Variants in PCLO observed in about 807,000 individuals in gnomAD.
PCLO encodes protein piccolo.
A neutral mutation model predicts 427.5 loss-of-function variants in PCLO; 82 were observed. The observed-to-expected ratio is 0.19, with a 90% CI of 0.16 to 0.23. The LOEUF is 0.23. Among genes scored for constraint, PCLO ranks in the 10% least tolerant of loss-of-function variants. The probability of loss-of-function intolerance (pLI) is 1.00; values close to 1 mark genes in which losing one functional copy is unlikely to be tolerated. For missense variants in PCLO, 6,239 were observed against 6,115.9 expected, an observed-to-expected ratio of 1.02 and a Z score of -0.67; for synonymous variants, 2,357 against 2,155.4, an observed-to-expected ratio of 1.09 and a Z score of -2.59.
intron 10 of PCLO, chr7:82,867,973 T>C (rs1793138176): frequency 5.6e-6 from 2 of 359,310 alleles, no homozygotes; most frequent in African/African-American, 2.1e-5. Context: ...TGTATTTTTC[T>C]TCACAGAAGA....
At chr7:82,845,240 G>A in intron 13 of PCLO, 31 bp downstream of exon 13, 1 of 1,458,230 alleles carries the variant, frequency 6.9e-7, no homozygotes, top group Non-Finnish European at 9.6e-7. Flanking sequence ...TAGAAAACAA[G>A]TGGGTCAGAG....
chr7:82,949,277 G>GCGCACACACACACGTGTGCACACACACA (rs1795274063), intron 6 of PCLO, among the ~76,000 whole-genome samples, 199 bp downstream of exon 6: 1 of 148,182 alleles, frequency 6.7e-6, no homozygotes, highest in Non-Finnish European at 1.5e-5. Context: ...ACACACACAA[G>GCGCACACACACACGTGTGCACACACACA]CGCACACACA....
intron 15 of PCLO, among the ~76,000 whole-genome samples, chr7:82,837,219 T>C (rs934314755): frequency 2.0e-5 from 3 of 151,756 alleles, no homozygotes; most frequent in African/African-American, 7.3e-5. Flanking sequence ...ATTAAGGGAG[T>C]GTATGAGGAA....
At chr7:83,033,400 C>G (rs1226809115) in intron 3 of PCLO, among the ~76,000 whole-genome samples, 1 of 152,096 alleles carries the variant, frequency 6.6e-6, no homozygotes, top group Non-Finnish European at 1.5e-5. Flanking sequence ...AGCTGAACAC[C>G]TGGTATCTGT....
intron 14 of PCLO, among the ~76,000 whole-genome samples, chr7:82,840,916 AAC>A (rs1792350420): frequency 6.6e-6 from 1 of 151,778 alleles, no homozygotes; most frequent in African/African-American, 2.4e-5. Flanking sequence ...TAAATATCAA[AAC>A]ACAGAGAGAA....
intron 22 of PCLO, among the ~76,000 whole-genome samples, chr7:82,774,311 A>G (rs1485716740): frequency 6.6e-6 from 1 of 152,170 alleles, no homozygotes; most frequent in Non-Finnish European, 1.5e-5. Flanking sequence ...TCTATTAGAC[A>G]GTCCCATTTG....
chr7:83,082,915 G>A (rs754017648), intron 3 of PCLO, among the ~76,000 whole-genome samples: 12 of 151,620 alleles, frequency 7.9e-5, no homozygotes, highest in African/African-American at 2.4e-4. Context: ...AAACTCTTAC[G>A]TAAAATAGTC....
chr7:82,892,014 T>C (rs1275183398), intron 9 of PCLO, among the ~76,000 whole-genome samples: 3 of 152,112 alleles, frequency 2.0e-5, no homozygotes, highest in African/African-American at 7.2e-5. Flanking sequence ...AGGTAATTTA[T>C]AGATTCAGTG....
At chr7:83,079,653 A>C (rs569113413) in intron 3 of PCLO, among the ~76,000 whole-genome samples, 2 of 152,208 alleles carry the variant, frequency 1.3e-5, no homozygotes, top group East Asian at 3.9e-4. Flanking sequence ...CAGGAATATA[A>C]TATCTTGTTC....
At position 82,952,537 on chromosome 7, in the gene PCLO, A is replaced by C; in HGVS notation, c.8416T>G (p.Tyr2806Asp). ...TFVTCTASASYTTGTESLVGA... is the reference protein window; with the variant it reads ...TFVTCTASASDTTGTESLVGA... Reference sequence around the variant, plus strand: ...ACTAGGCTTTCTGTGCCTGTAGTGTAACTTGCACTAGCTGTGCATGTGACA... The same window carrying C: ...ACTAGGCTTTCTGTGCCTGTAGTGTCACTTGCACTAGCTGTGCATGTGACA... The change falls in exon 5 of 25, where the codon TAC becomes GAC. Residue 2806 changes from tyrosine (Y) to aspartate (D), a missense_variant. By Grantham distance (160) the Tyr-to-Asp change is radical. This residue lies in a region of PCLO where 4,677 missense variants were observed against 4,468.4 expected (regional missense o/e 1.05). Transcript: ENST00000333891. 6.2e-7 allele frequency: 1 copy of C among 1,613,934 alleles called. No homozygotes were observed. The highest frequency in any genetic ancestry group is 8.5e-7 in the Non-Finnish European group (1 of 1,179,850).
chr7:82,840,519 A>G (rs1266874073), intron 14 of PCLO, among the ~76,000 whole-genome samples: 1 of 152,052 alleles, frequency 6.6e-6, no homozygotes. Context: ...TAACATTCCT[A>G]GGATTGTGTT....
intron 6 of PCLO, 43 bp downstream of exon 6, chr7:82,949,430 TTAA>T: frequency 7.1e-7 from 1 of 1,410,264 alleles, no homozygotes; most frequent in Non-Finnish European, 9.7e-7. Context: ...AAACACATGA[TTAA>T]TAACTCATCC....
At chr7:83,059,240 G>A (rs1583969796) in intron 3 of PCLO, among the ~76,000 whole-genome samples, 1 of 147,540 alleles carries the variant, frequency 6.8e-6, no homozygotes, top group East Asian at 2.0e-4. Flanking sequence ...TGCACCGAGG[G>A]TCAATTCTTT....
intron 13 of PCLO, among the ~76,000 whole-genome samples, chr7:82,843,255 GA>G (rs2115792318): frequency 6.6e-6 from 1 of 152,264 alleles, no homozygotes; most frequent in East Asian, 1.9e-4. Context: ...TTTGTAACAA[GA>G]TGGATAAACC....
intron 3 of PCLO, among the ~76,000 whole-genome samples, chr7:82,978,648 G>A (rs1344070069): frequency 2.0e-5 from 3 of 152,084 alleles, no homozygotes; most frequent in Admixed American, 6.6e-5. Context: ...ACATATTCAT[G>A]TCTACATCCT....
At chr7:82,778,127 A>G (rs1429442803) in intron 22 of PCLO, among the ~76,000 whole-genome samples, 1 of 152,226 alleles carries the variant, frequency 6.6e-6, no homozygotes, top group Non-Finnish European at 1.5e-5. Context: ...ACACATTTCA[A>G]AAAAAGACTT....
At chr7:82,877,815 G>A (rs866587465) in intron 10 of PCLO, among the ~76,000 whole-genome samples, 16 of 152,114 alleles carry the variant, frequency 1.1e-4, no homozygotes, top group Middle Eastern at 3.4e-3. Context: ...ACAGGCTCCC[G>A]CCACCACATC....
rs1048281529 is a variant in PCLO, at chr7:83,110,993, G to A, written c.3300+23257C>T. On this transcript the variant is annotated intron_variant, in intron 3 of 24. Coordinates refer to ENST00000333891, the MANE Select transcript of PCLO (RefSeq NM_033026.6). Reference sequence around the variant, plus strand: ...GAAAATGATGCATTAATATTTTAGTGTGGAAGACCTTAAAGGAGAGATGAT... The same window carrying A: ...GAAAATGATGCATTAATATTTTAGTATGGAAGACCTTAAAGGAGAGATGAT... 2.0e-5 allele frequency among the ~76,000 whole-genome samples: 3 copies of A among 152,162 alleles called. No individual in the cohort carries two copies. In the East Asian group the frequency reaches 5.8e-4, roughly 29 times the overall value.
At chr7:82,996,611 C>T (rs1257547817) in intron 3 of PCLO, among the ~76,000 whole-genome samples, 1 of 152,004 alleles carries the variant, frequency 6.6e-6, no homozygotes, top group Non-Finnish European at 1.5e-5. Context: ...TAAGCCCTGC[C>T]ATACACATTC....
Sources: allele counts gnomAD v4.1 joint callset (sites outside exome capture counted in the v4.1 genomes callset), GRCh38; gene constraint gnomAD v4.1.1; regional missense constraint gnomAD v4.1.1; transcripts MANE v1.5; gene names NCBI Gene and HGNC (gene_info 2026-07-23, HGNC 2026-07-21).